The following NADK variants were observed in gnomAD, a reference collection of about 807,000 sequenced individuals.
NADK encodes the protein NAD kinase.
NADK carries 22 observed loss-of-function variants against 49.8 expected under a neutral mutation model. That is an observed-to-expected ratio of 0.44 (90% CI 0.32 to 0.63). The LOEUF is 0.63. NADK is among the 30% of genes least tolerant of loss of function. The probability of loss-of-function intolerance (pLI) is 0.06; values close to 1 mark genes in which losing one functional copy is unlikely to be tolerated. For synonymous variants in NADK, 268 were observed against 253.7 expected (o/e 1.06, Z -0.54); for missense variants, 438 against 609.4 (o/e 0.72, Z 2.96).
chr1:1,767,609 C>T (rs965163781), intron 1 of NADK, among the ~76,000 whole-genome samples: 1 of 152,228 alleles, frequency 6.6e-6, no homozygotes, highest in African/African-American at 2.4e-5. Context: ...TTAATGAGGA[C>T]AAGGTAGATT....
intron 3 of NADK, chr1:1,759,946 G>C (rs1441557739): frequency 6.5e-7 from 1 of 1,544,078 alleles, no homozygotes; most frequent in Non-Finnish European, 8.8e-7. Flanking sequence ...GGCAGCGGGG[G>C]AGAGGCCCGG....
Position 1,755,466 on chromosome 1 carries a change from G to C in NADK, c.596C>G (p.Pro199Arg), listed in dbSNP as rs1645483840. 5 of 1,613,702 alleles carry C rather than the reference G, an allele frequency of 3.1e-6. No individual in the cohort carries two copies. The highest frequency in any genetic ancestry group is 4.2e-6 in the Non-Finnish European group (5 of 1,179,868). The stretch of plus-strand genomic sequence containing the variant: ...GCCCAGGTGGAAGGCCATGACCGGA[G>C]GGACGCTGCCCTGTGAGCCGACGGA... ...YASSLFQGSVPPVMAFHLGSL... is the reference protein window; with the variant it reads ...YASSLFQGSVRPVMAFHLGSL... The change falls in exon 7 of 12, where the codon CCT becomes CGT. Residue 199 changes from proline (P) to arginine (R), a missense_variant. Physicochemically the swap from Pro to Arg is moderately radical, Grantham distance 103. Transcript: ENST00000341426.
chr1:1,754,270 G>GC lies in NADK; in HGVS notation c.943+13dup. 1 of 1,613,484 alleles carries GC rather than the reference G, an allele frequency of 6.2e-7. No homozygotes were observed. The highest frequency in any genetic ancestry group is 2.2e-5 in the East Asian group (1 of 44,880). On this transcript the variant is annotated intron_variant, in intron 9 of 11. Coordinates refer to ENST00000341426, the MANE Select transcript of NADK (RefSeq NM_023018.5). The surrounding 1 kb of genome is among the most constrained non-coding windows in gnomAD (Gnocchi z 4.3). ...GGGACGCTCAGGGCCCCAGGACAGTGCTGCGGGCCTTACCGTCGCCCTGCA... is the reference window on the plus strand; with the variant it reads ...GGGACGCTCAGGGCCCCAGGACAGTGCCTGCGGGCCTTACCGTCGCCCTGCA...
intron 2 of NADK, 83 bp downstream of exon 2, chr1:1,765,145 G>A: frequency 2.2e-6 from 3 of 1,366,886 alleles, no homozygotes; most frequent in Non-Finnish European, 3.0e-6. Context: ...GACTACTCAG[G>A]AGAATTCTTC....
Position 1,754,289 on chromosome 1 carries a change from C to T in NADK, c.938G>A (p.Gly313Asp). 6.2e-7 allele frequency: 1 copy of T among 1,613,696 alleles called. No individual in the cohort carries two copies. Among genetic ancestry groups the T allele is most frequent in the Non-Finnish European group, 8.5e-7 (1 of 1,179,942 alleles). Residue 313 changes from glycine (G) to aspartate (D), a missense_variant, in exon 9 of 12, where the codon GGC becomes GAC. Transcript: ENST00000341426. This position sits in a 1 kb window ranked among gnomAD's most constrained non-coding sequence, Gnocchi z 4.3. ...LDGHLITTVQ[G>D]DGVIVSTPTG... ...GACAGTGCTGCGGGCCTTACCGTCG[C>T]CCTGCACCGTGGTGATGAGGTGTCC...
chr1:1,777,192 A>C (rs1182800852), intron 1 of NADK, among the ~76,000 whole-genome samples: 1 of 152,242 alleles, frequency 6.6e-6, no homozygotes, highest in Non-Finnish European at 1.5e-5. Context: ...GCTTGGAATC[A>C]GCGTGCTAAC....
At chr1:1,758,614 G>T (rs1354865165) in intron 3 of NADK, 28 of 1,460,802 alleles carry the variant, frequency 1.9e-5, no homozygotes, top group Non-Finnish European at 2.3e-5. Flanking sequence ...ATTGTGATGA[G>T]ACTTGGTAAA....
At chr1:1,763,717 G>A (rs546088506) in intron 2 of NADK, among the ~76,000 whole-genome samples, 3 of 151,712 alleles carry the variant, frequency 2.0e-5, no homozygotes, top group Non-Finnish European at 4.4e-5. Context: ...AATGTTTCTC[G>A]AAGTGGGTGT....
Position 1,752,922 on chromosome 1 carries a change from C to CTCCGA in NADK, c.1322_1323insTCGGA (p.Glu441AspfsTer36). The CTCCGA allele has an allele frequency of 6.2e-7, 1 of 1,600,866 alleles. No homozygotes were observed. The highest frequency in any genetic ancestry group is 8.5e-7 in the Non-Finnish European group (1 of 1,174,044). On this transcript the variant is annotated frameshift_variant, in exon 12 of 12. Transcript: ENST00000341426. LOFTEE classifies it high-confidence loss of function. Reference sequence around the variant, plus strand: ...GCTTGACCTAGCCCTCCTCCTCCTCCTCCTCCTCCTCCTCGAAGTGGGCTT... The same window carrying CTCCGA: ...GCTTGACCTAGCCCTCCTCCTCCTCCTCCGATCCTCCTCCTCCTCGAAGTGGGCTT...
intron 3 of NADK, among the ~76,000 whole-genome samples, chr1:1,759,447 G>A (rs770822301): frequency 6.6e-6 from 1 of 152,210 alleles, no homozygotes; most frequent in Admixed American, 6.5e-5. Flanking sequence ...GGGTGGCCAC[G>A]CACACTGTGA....
chr1:1,756,319 A>G lies in NADK; in HGVS notation c.524T>C (p.Ile175Thr), dbSNP rs1201991688. 14 of 1,614,050 alleles carry G rather than the reference A, an allele frequency of 8.7e-6. No homozygotes were observed. Among genetic ancestry groups the G allele is most frequent in the East Asian group, 2.2e-5 (1 of 44,896 alleles). The change falls in exon 6 of 12, where the codon ATA becomes ACA. Residue 175 changes from isoleucine to threonine, a missense_variant. Transcript: ENST00000341426. ...REDYDDISNQ[I>T]DFIICLGGDG... ...TCCCCCCAGGCAGATGATGAAGTCT[A>G]TCTGATTGGAAATGTCATCATAATC... is the stretch of plus-strand genomic sequence containing the variant.
chr1:1,762,471 G>A (rs186347431), intron 2 of NADK, among the ~76,000 whole-genome samples: 3 of 152,276 alleles, frequency 2.0e-5, no homozygotes, highest in Admixed American at 2.0e-4. Context: ...TAAAAAAGAC[G>A]TAGGCCGGGC....
intron 1 of NADK, among the ~76,000 whole-genome samples, chr1:1,766,408 CT>C (rs1236410592): frequency 4.4e-5 from 1 of 22,646 alleles, no homozygotes; most frequent in African/African-American, 1.6e-4. Context: ...GAAACTCCGT[CT>C]CAAAAAAAAA....
In NADK at chr1:1,752,733, T is replaced by G; in HGVS notation, c.*171A>C. 6.7e-6 allele frequency: 5 copies of G among 745,650 alleles called. No individual in the cohort carries two copies. The South Asian group carries it at 7.0e-5, about 10-fold the overall frequency. 46.2% of individuals were successfully genotyped at this position (745,650 alleles called of 1,614,324 possible). ...TAGAAATGCAAAAAAAGTCAGACAT[T>G]TTAAAAAAACAGCTGATCTGGACAA... On this transcript the variant is annotated 3_prime_UTR_variant, in exon 12 of 12. Coordinates refer to ENST00000341426, the MANE Select transcript of NADK (RefSeq NM_023018.5).
At position 1,757,253 on chromosome 1, in the gene NADK, G is replaced by T. The variant is rs761111477; in HGVS notation, c.321C>A (p.Val107=). ...CATCTCTCATCTTCTTGATGACAAG[G>T]ACGCTCTTTGGGGACTTGTTCCACG... ...RLTWNKSPKS[V]LVIKKMRDAS... is the part of the protein sequence containing the mutation. The change falls in exon 4 of 12, where the codon GTC becomes GTA. Residue 107 remains valine (V), a synonymous_variant. Transcript: ENST00000341426. 1.3e-5 allele frequency: 21 copies of T among 1,613,664 alleles called. No homozygotes were observed. In the South Asian group the frequency reaches 2.1e-4, roughly 16 times the overall value.
At chr1:1,759,652 A>C in intron 3 of NADK, 1 of 1,436,030 alleles carries the variant, frequency 7.0e-7, no homozygotes, top group Non-Finnish European at 9.4e-7. Flanking sequence ...ATGATCCCAG[A>C]GACACAGAGC....
At position 1,754,909 on chromosome 1, in the gene NADK, C is replaced by T. The variant is rs1570503576; in HGVS notation, c.689-211G>A. The T allele has an allele frequency of 1.9e-6, 1 of 520,596 alleles. No individual in the cohort carries two copies. Among genetic ancestry groups the T allele is most frequent in the Non-Finnish European group, 3.4e-6 (1 of 298,300 alleles). The allele number at this position is 520,596 out of a possible 1,614,324, so 32.2% of individuals were successfully genotyped here. ...TGATCTTGGCTCACTGCAACCTCTG[C>T]CTCCCAGGTTCAAGTGATTCTCCTG... is the stretch of plus-strand genomic sequence containing the variant. On this transcript the variant is annotated intron_variant, in intron 7 of 11. Coordinates refer to ENST00000341426, the MANE Select transcript of NADK (RefSeq NM_023018.5). This position sits in a 1 kb window ranked among gnomAD's most constrained non-coding sequence, Gnocchi z 4.3.
At position 1,754,007 on chromosome 1, in the gene NADK, T is replaced by A. The variant is rs1386632414; in HGVS notation, c.1101+44A>T. 1 of 1,531,980 alleles carries A rather than the reference T, an allele frequency of 6.5e-7. No individual in the cohort carries two copies. Among genetic ancestry groups the A allele is most frequent in the South Asian group, 1.3e-5 (1 of 79,364 alleles). The allele number at this position is 1,531,980 out of a possible 1,614,324, so 94.9% of individuals were successfully genotyped here. A position where few individuals can be genotyped will look rare whatever the true frequency, so the allele number is the denominator to read the frequency against. ...GGTCCCGGCTTTGTGTTGCACGGGG[T>A]CAAATGACTCACAAACCGGAAAAGG... On this transcript the variant is annotated intron_variant, in intron 10 of 11. Coordinates refer to ENST00000341426, the MANE Select transcript of NADK (RefSeq NM_023018.5). This position sits in a 1 kb window ranked among gnomAD's most constrained non-coding sequence, Gnocchi z 4.3.
chr1:1,759,063 G>A (rs1260422068), intron 3 of NADK: 9 of 1,490,904 alleles, frequency 6.0e-6, no homozygotes, highest in Admixed American at 4.5e-5. Flanking sequence ...CCCTGCACAC[G>A]GCTCCCCCTG....
Sources: allele counts gnomAD v4.1 joint callset (sites outside exome capture counted in the v4.1 genomes callset), GRCh38; gene constraint gnomAD v4.1.1; non-coding constraint Gnocchi (gnomAD v3.1); transcripts MANE v1.5; gene names NCBI Gene and HGNC (gene_info 2026-07-23, HGNC 2026-07-21).